INPP4B: variants seen among roughly 807,000 people sequenced by gnomAD.
The protein encoded by INPP4B is inositol polyphosphate 4-phosphatase type II.
Under a neutral mutation model 122.5 loss-of-function variants are expected in INPP4B, and 55 were observed. That is an observed-to-expected ratio of 0.45 (90% confidence interval 0.36 to 0.56). The LOEUF (loss-of-function observed/expected upper bound fraction) is 0.56. Ranked by LOEUF, INPP4B falls within the 20% of genes least tolerant of loss-of-function variation. The probability of loss-of-function intolerance (pLI) is 0.00; values close to 1 mark genes in which losing one functional copy is unlikely to be tolerated. For missense variants in INPP4B, 1,000 were observed against 1,097.7 expected, an observed-to-expected ratio of 0.91 and a Z score of 1.26; for synonymous variants, 403 against 388.7, an observed-to-expected ratio of 1.04 and a Z score of -0.43.
At chr4:142,777,559 T>C (rs562204227) in intron 1 of INPP4B, among the ~76,000 whole-genome samples, 3 of 152,254 alleles carry the variant, frequency 2.0e-5, no homozygotes, top group South Asian at 4.1e-4. Flanking sequence ...CTGATCCAGG[T>C]AGGCCACGCC....
intron 9 of INPP4B, among the ~76,000 whole-genome samples, chr4:142,298,847 T>A (rs1376772640): frequency 1.3e-5 from 2 of 152,178 alleles, no homozygotes; most frequent in East Asian, 1.9e-4. Context: ...TGTTCCTCAG[T>A]TTGCTTATTT....
At chr4:142,534,155 T>G (rs1283180289) in intron 2 of INPP4B, among the ~76,000 whole-genome samples, 1 of 152,178 alleles carries the variant, frequency 6.6e-6, no homozygotes, top group East Asian at 1.9e-4. Context: ...CCCTTTAAAG[T>G]TGAAGGGGTT....
At chr4:142,135,328 G>T (rs1579030797) in intron 18 of INPP4B, among the ~76,000 whole-genome samples, 2 of 152,044 alleles carry the variant, frequency 1.3e-5, no homozygotes, top group South Asian at 4.1e-4. Flanking sequence ...AGATTCAAAG[G>T]TTTCAAAATA....
intron 2 of INPP4B, among the ~76,000 whole-genome samples, chr4:142,652,479 T>G (rs1753193243): frequency 6.6e-6 from 1 of 152,164 alleles, no homozygotes; most frequent in Non-Finnish European, 1.5e-5. Context: ...CCCCATCAAC[T>G]CAGCCCAAAA....
intron 1 of INPP4B, among the ~76,000 whole-genome samples, chr4:142,808,789 C>T (rs1779160088): frequency 6.6e-6 from 1 of 152,036 alleles, no homozygotes; most frequent in Admixed American, 6.5e-5. Flanking sequence ...TTATATAACT[C>T]ACTACTTATT....
At chr4:142,834,343 A>G (rs920026562) in intron 1 of INPP4B, among the ~76,000 whole-genome samples, 1 of 152,054 alleles carries the variant, frequency 6.6e-6, no homozygotes, top group African/African-American at 2.4e-5. Flanking sequence ...AAAACCTGTC[A>G]CTCCTTTCTA....
chr4:142,123,969 T>C (rs564946504), intron 19 of INPP4B, among the ~76,000 whole-genome samples: 3 of 152,068 alleles, frequency 2.0e-5, no homozygotes, highest in African/African-American at 7.2e-5. Flanking sequence ...ATATGTCCTG[T>C]CTATAAAACT....
intron 7 of INPP4B, among the ~76,000 whole-genome samples, chr4:142,360,144 G>C (rs1442943356): frequency 6.6e-6 from 1 of 151,832 alleles, no homozygotes; most frequent in Non-Finnish European, 1.5e-5. Context: ...TAGACCCTGA[G>C]ATCAGAATTC....
At chr4:142,702,254 T>C (rs1373466714) in intron 2 of INPP4B, among the ~76,000 whole-genome samples, 1 of 152,178 alleles carries the variant, frequency 6.6e-6, no homozygotes, top group Non-Finnish European at 1.5e-5. Flanking sequence ...AAAGACTCCA[T>C]ATAGGCACTG....
intron 2 of INPP4B, among the ~76,000 whole-genome samples, chr4:142,634,861 A>C (rs1238723788): frequency 6.6e-6 from 1 of 151,738 alleles, no homozygotes; most frequent in Non-Finnish European, 1.5e-5. Context: ...ACTGGAAAAA[A>C]ATGAAAATAT....
At position 142,454,218 on chromosome 4, in the gene INPP4B, T is replaced by A. The variant is rs28698586; in HGVS notation, c.-127+8445A>T. Among the ~76,000 whole-genome samples, 615 of 152,244 alleles carry A rather than the reference T, an allele frequency of 4.0e-3. 3 individuals carry two copies. Among genetic ancestry groups the A allele is most frequent in the African/African-American group, 0.014 (578 of 41,560 alleles). Reference sequence around the variant, plus strand: ...AGAAGTGAGTAAATATCATGATTAATTCATGCCATATGAATTTATTGAGCA... The same window carrying A: ...AGAAGTGAGTAAATATCATGATTAAATCATGCCATATGAATTTATTGAGCA... On this transcript the variant is annotated intron_variant, in intron 3 of 25. Coordinates refer to ENST00000262992, the MANE Select transcript of INPP4B (RefSeq NM_001101669.3).
At chr4:142,713,856 T>C (rs1344411295) in intron 2 of INPP4B, among the ~76,000 whole-genome samples, 4 of 152,198 alleles carry the variant, frequency 2.6e-5, no homozygotes, top group African/African-American at 9.6e-5. Flanking sequence ...GTTAAAGTGT[T>C]ACCCTTTCCC....
intron 11 of INPP4B, among the ~76,000 whole-genome samples, chr4:142,243,811 A>C (rs890813441): frequency 1.3e-5 from 2 of 152,126 alleles, no homozygotes; most frequent in Non-Finnish European, 2.9e-5. Context: ...GGTGGTAATG[A>C]GGAGAAAGTT....
intron 2 of INPP4B, among the ~76,000 whole-genome samples, chr4:142,581,088 A>T (rs1046707398): frequency 6.6e-6 from 1 of 152,068 alleles, no homozygotes; most frequent in Non-Finnish European, 1.5e-5. Context: ...AAAGAGTGCC[A>T]TCTTTTGTCA....
chr4:142,175,949 A>C (rs771551185), intron 15 of INPP4B, among the ~76,000 whole-genome samples: 2 of 152,006 alleles, frequency 1.3e-5, no homozygotes, highest in Non-Finnish European at 2.9e-5. Flanking sequence ...TCATGTGGTC[A>C]CTTCTATGTG....
intron 7 of INPP4B, among the ~76,000 whole-genome samples, chr4:142,337,279 T>C (rs1393560540): frequency 1.3e-5 from 2 of 152,040 alleles, no homozygotes; most frequent in African/African-American, 4.8e-5. Flanking sequence ...ATGAAATTCT[T>C]GCATGTGTAT....
intron 7 of INPP4B, among the ~76,000 whole-genome samples, chr4:142,363,192 A>G (rs536901570): frequency 1.3e-5 from 2 of 152,162 alleles, no homozygotes; most frequent in Non-Finnish European, 2.9e-5. Flanking sequence ...ACATACGCAC[A>G]TATGTGTGCA....
intron 23 of INPP4B, among the ~76,000 whole-genome samples, chr4:142,100,999 G>A (rs1037403826): frequency 1.4e-3 from 208 of 152,236 alleles, no homozygotes; most frequent in African/African-American, 4.2e-3. Flanking sequence ...GTTAACTTGT[G>A]TCAGAAAGTC....
intron 3 of INPP4B, among the ~76,000 whole-genome samples, chr4:142,441,854 A>G (rs1245548745): frequency 6.6e-6 from 1 of 150,450 alleles, no homozygotes; most frequent in Non-Finnish European, 1.5e-5. Flanking sequence ...ACATAAGCAC[A>G]TTTAAATGCT....
Sources: gnomAD v4.1 joint callset for allele counts (sites outside exome capture counted in the v4.1 genomes callset) on GRCh38, gnomAD v4.1.1 for gene constraint, MANE v1.5 for transcripts, NCBI Gene and HGNC (gene_info 2026-07-23, HGNC 2026-07-21) for gene names.